EYA3: variants seen among roughly 807,000 people sequenced by gnomAD.
EYA3 encodes the protein EYA transcriptional coactivator and phosphatase 3.
Under a neutral mutation model 80.0 loss-of-function variants are expected in EYA3, and 39 were observed. The observed-to-expected ratio is 0.49, with a 90% confidence interval of 0.38 to 0.64. The LOEUF (loss-of-function observed/expected upper bound fraction) is 0.64, where lower values mean the gene tolerates loss of function less well. Ranked by LOEUF, EYA3 falls within the 30% of genes least tolerant of loss-of-function variation. The pLI is 0.00. For missense variants in EYA3, 523 were observed against 676.1 expected (o/e 0.77, Z 2.51); for synonymous variants, 206 against 232.8 (o/e 0.88, Z 1.05).
chr1:28,050,132 T>TA (rs948914922), intron 2 of EYA3, among the ~76,000 whole-genome samples: 4 of 151,016 alleles, frequency 2.6e-5, no homozygotes, highest in African/African-American at 7.3e-5. Context: ...AAAAAGGATT[T>TA]AAAAAAAAGG....
intron 7 of EYA3, among the ~76,000 whole-genome samples, chr1:28,027,271 T>A (rs1557587694): frequency 1.3e-5 from 2 of 152,228 alleles, no homozygotes; most frequent in African/African-American, 4.8e-5. Context: ...TAAAGATGTT[T>A]AGAGCTTAAG....
intron 10 of EYA3, among the ~76,000 whole-genome samples, chr1:28,008,198 C>T (rs1177504205): frequency 6.6e-6 from 1 of 151,912 alleles, no homozygotes; most frequent in Non-Finnish European, 1.5e-5. Context: ...CAATAAGGAA[C>T]GTCTTTTCAA....
At chr1:28,008,936 A>G (rs1253503119) in intron 10 of EYA3, among the ~76,000 whole-genome samples, 6 of 152,196 alleles carry the variant, frequency 3.9e-5, no homozygotes, top group East Asian at 1.9e-4. Context: ...CAAAGCCACA[A>G]TAAGATACCA....
intron 10 of EYA3, among the ~76,000 whole-genome samples, chr1:28,010,292 T>C (rs1641597464): frequency 6.6e-6 from 1 of 152,212 alleles, no homozygotes; most frequent in African/African-American, 2.4e-5. Flanking sequence ...ATATAGTACT[T>C]ACACTACAGA....
chr1:28,072,133 A>C (rs1007284473), intron 1 of EYA3, among the ~76,000 whole-genome samples: 1 of 152,202 alleles, frequency 6.6e-6, no homozygotes, highest in Non-Finnish European at 1.5e-5. Flanking sequence ...TGTGACATAT[A>C]AAGCATTTTG....
chr1:27,993,754 G>A (rs2148736347), intron 13 of EYA3, among the ~76,000 whole-genome samples, 194 bp from the exon 14 acceptor site: 1 of 152,192 alleles, frequency 6.6e-6, no homozygotes, highest in South Asian at 2.1e-4. Context: ...ATCAAAGAAA[G>A]GACTGAAATG....
At chr1:28,016,806 G>C (rs576995991) in intron 8 of EYA3, among the ~76,000 whole-genome samples, 1 of 152,138 alleles carries the variant, frequency 6.6e-6, no homozygotes, top group Non-Finnish European at 1.5e-5. Flanking sequence ...GATGTAAGTG[G>C]CAGGCATTTT....
chr1:28,061,131 G>A (rs1288711931), intron 1 of EYA3, among the ~76,000 whole-genome samples: 1 of 152,222 alleles, frequency 6.6e-6, no homozygotes, highest in Non-Finnish European at 1.5e-5. Flanking sequence ...GGAAAGAATA[G>A]ATTACAAAAT....
At chr1:28,016,980 A>G (rs1389797489) in intron 8 of EYA3, among the ~76,000 whole-genome samples, 174 bp downstream of exon 8, 1 of 152,362 alleles carries the variant, frequency 6.6e-6, no homozygotes, top group East Asian at 1.9e-4. Flanking sequence ...AACAAAAACT[A>G]GACAGTAACC....
chr1:27,990,287 C>A, intron 14 of EYA3: 1 of 176,036 alleles, frequency 5.7e-6, no homozygotes, highest in East Asian at 1.5e-4. Context: ...CTTCCTGTCC[C>A]TAGACTTCAT....
rs1324837102 is a variant in EYA3, at chr1:27,997,301, G to A, written c.1142+19C>T. ...ACATAACAGGTGTACTGGTGTTCAA[G>A]AATCATTATGTTTATCACCTCAAGT... On this transcript the variant is annotated intron_variant, in intron 13 of 17. Transcript: ENST00000373871. The A allele has an allele frequency of 1.2e-6, 2 of 1,611,272 alleles. No homozygotes were observed. The highest frequency in any genetic ancestry group is 1.7e-6 in the Non-Finnish European group (2 of 1,177,562).
At chr1:28,043,354 A>C (rs1198737663) in intron 3 of EYA3, among the ~76,000 whole-genome samples, 1 of 151,398 alleles carries the variant, frequency 6.6e-6, no homozygotes, top group Non-Finnish European at 1.5e-5. Context: ...AAACGTGAAA[A>C]CACTTAAGTT....
In EYA3 at chr1:28,035,709, T is replaced by G. The variant is rs770930028; in HGVS notation, c.225-29A>C. On this transcript the variant is annotated intron_variant, in intron 5 of 17. Coordinates refer to ENST00000373871, the MANE Select transcript of EYA3 (RefSeq NM_001990.4). The stretch of plus-strand genomic sequence containing the variant: ...GAAAATTTCATGAAAACAAAAACTT[T>G]TGTGTGATTTACTTTAGTAACGAAA... 37 of 1,609,310 alleles carry G rather than the reference T, an allele frequency of 2.3e-5. No homozygotes were observed. In the East Asian group the frequency reaches 3.6e-4, roughly 16 times the overall value.
At chr1:28,069,178 T>TCA (rs1644934716) in intron 1 of EYA3, among the ~76,000 whole-genome samples, 1 of 148,902 alleles carries the variant, frequency 6.7e-6, no homozygotes, top group Non-Finnish European at 1.5e-5. Flanking sequence ...TGACACAATC[T>TCA]CAGCTCACTG....
At chr1:28,047,423 T>C (rs552383247) in intron 3 of EYA3, among the ~76,000 whole-genome samples, 58 of 152,202 alleles carry the variant, frequency 3.8e-4, no homozygotes, top group African/African-American at 1.4e-3. Context: ...GTTTAAGACA[T>C]CATATGGCTA....
At chr1:28,070,710 T>C (rs957425964) in intron 1 of EYA3, among the ~76,000 whole-genome samples, 2 of 152,170 alleles carry the variant, frequency 1.3e-5, no homozygotes, top group Admixed American at 1.3e-4. Context: ...CTAATGAAAG[T>C]GTTACATAAT....
At chr1:28,084,590 TATATA>T (rs1192760431) in intron 1 of EYA3, among the ~76,000 whole-genome samples, 20 of 17,444 alleles carry the variant, frequency 1.1e-3, no homozygotes, top group African/African-American at 3.1e-3. Flanking sequence ...TATATATATA[TATATA>T]TTTTTTTTTT....
chr1:27,989,002 T>C (rs1015248540), intron 15 of EYA3, among the ~76,000 whole-genome samples: 1 of 152,196 alleles, frequency 6.6e-6, no homozygotes, highest in Non-Finnish European at 1.5e-5. Context: ...AACAAAAAGC[T>C]CTGAGCTGTA....
At chr1:28,064,587 T>C (rs1213966146) in intron 1 of EYA3, among the ~76,000 whole-genome samples, 2 of 152,088 alleles carry the variant, frequency 1.3e-5, no homozygotes. Flanking sequence ...AAACCAATAA[T>C]AGTGGGAAAG....
Sources: gnomAD v4.1 joint callset for allele counts (sites outside exome capture counted in the v4.1 genomes callset) on GRCh38, gnomAD v4.1.1 for gene constraint, MANE v1.5 for transcripts, NCBI Gene and HGNC (gene_info 2026-07-23, HGNC 2026-07-21) for gene names.